Variants in SPATA6L observed in about 807,000 individuals in gnomAD.
SPATA6L encodes the protein spermatogenesis associated 6 like, also known as spermatogenesis associated 6-like protein.
SPATA6L carries 68 observed loss-of-function variants against 49.2 expected under a neutral mutation model. The ratio of observed to expected loss-of-function variants is 1.38; its 90% CI spans 1.14 to 1.69. SPATA6L has a LOEUF of 1.69. Among genes scored for constraint, SPATA6L ranks in the 40% most tolerant of loss-of-function variants. The pLI is 0.00. For synonymous variants in SPATA6L, 198 were observed against 165.7 expected, an observed-to-expected ratio of 1.19 and a Z score of -1.50; for missense variants, 668 against 464.3, an observed-to-expected ratio of 1.44 and a Z score of -4.03.
At chr9:4,632,757 A>G (rs140555314) in intron 4 of SPATA6L, among the ~76,000 whole-genome samples, 11 of 152,276 alleles carry the variant, frequency 7.2e-5, no homozygotes, top group African/African-American at 2.6e-4. Context: ...TGGCCCTCAG[A>G]TCCTTAGTAT....
At chr9:4,605,834 C>T (rs369487953) in intron 9 of SPATA6L, among the ~76,000 whole-genome samples, 9 of 152,332 alleles carry the variant, frequency 5.9e-5, no homozygotes, top group South Asian at 4.1e-4. Context: ...GGAACAGCTC[C>T]GGTCTCCAGC....
Position 4,625,529 on chromosome 9 carries a change from G to A in SPATA6L, c.467C>T (p.Ser156Leu). Residue 156 changes from serine to leucine, a missense_variant, in exon 6 of 12, where the codon TCA becomes TTA. Ser to Leu is a moderately radical substitution (Grantham distance 145). Transcript: ENST00000682582. ...ATTTAAGGGAAATATTGGTTCATGT[G>A]ATGTAGATAAAGGCCTCCGTGACTC... ...RHESRRPLST[S>L]HEPIFPLNTI... is the part of the protein sequence containing the mutation. 1 of 1,610,750 alleles carries A rather than the reference G, an allele frequency of 6.2e-7. No homozygotes were observed. Among genetic ancestry groups the A allele is most frequent in the Non-Finnish European group, 8.5e-7 (1 of 1,178,436 alleles).
chr9:4,620,593 G>A (rs1224947374), intron 7 of SPATA6L, among the ~76,000 whole-genome samples: 1 of 152,208 alleles, frequency 6.6e-6, no homozygotes, highest in Non-Finnish European at 1.5e-5. Context: ...GGTGACCTAA[G>A]CAAAGGGCTG....
At chr9:4,663,258 C>T (rs1431133891) in intron 1 of SPATA6L, 7 of 1,611,430 alleles carry the variant, frequency 4.3e-6, no homozygotes, top group African/African-American at 2.7e-5. Flanking sequence ...GTGGAGTCAA[C>T]GATGACACCA....
intron 7 of SPATA6L, 92 bp downstream of exon 7, chr9:4,622,316 C>T: frequency 1.3e-6 from 1 of 792,062 alleles, no homozygotes. Context: ...CAGTTCTGAA[C>T]ATCACCTGTG....
chr9:4,635,825 C>T (rs4742029), intron 3 of SPATA6L, among the ~76,000 whole-genome samples: 9,697 of 152,148 alleles, frequency 0.064, 493 homozygotes, highest in Admixed American at 0.14. Context: ...ATGCCAAGGG[C>T]CCAGATGACA....
intron 3 of SPATA6L, among the ~76,000 whole-genome samples, chr9:4,654,333 G>A (rs925999393): frequency 1.3e-5 from 2 of 152,192 alleles, no homozygotes; most frequent in African/African-American, 2.4e-5. Context: ...GGTGTGGCTC[G>A]CTTCTTCAGT....
At chr9:4,643,475 CAA>C (rs1286353592) in intron 3 of SPATA6L, among the ~76,000 whole-genome samples, 1 of 151,552 alleles carries the variant, frequency 6.6e-6, no homozygotes, top group Non-Finnish European at 1.5e-5. Context: ...GTAAATATAC[CAA>C]GAGAGAAATA....
intron 9 of SPATA6L, among the ~76,000 whole-genome samples, chr9:4,609,928 G>C (rs1426235096): frequency 6.6e-6 from 1 of 151,972 alleles, no homozygotes; most frequent in Non-Finnish European, 1.5e-5. Flanking sequence ...TCCTTAAGCT[G>C]ATAAGCAACT....
intron 5 of SPATA6L, chr9:4,627,394 A>C (rs1830554115): frequency 6.0e-6 from 1 of 166,920 alleles, no homozygotes; most frequent in South Asian, 1.5e-4. Context: ...TATTTAGCTA[A>C]GAGTTTTGAT....
At chr9:4,607,685 A>G (rs200711374) in intron 9 of SPATA6L, among the ~76,000 whole-genome samples, 18,602 of 152,126 alleles carry the variant, frequency 0.12, 1,763 homozygotes, top group East Asian at 0.31. Flanking sequence ...AGCCGCTGCA[A>G]AATCATGCCA....
intron 3 of SPATA6L, among the ~76,000 whole-genome samples, chr9:4,636,055 T>TA (rs1226414315): frequency 2.6e-5 from 4 of 152,144 alleles, no homozygotes; most frequent in African/African-American, 9.7e-5. Flanking sequence ...GCCTAGAACT[T>TA]AACTAACTAT....
In SPATA6L at chr9:4,666,399, C is replaced by A. The variant is rs547780453; in HGVS notation, c.-149G>T. The A allele has an allele frequency of 6.0e-5, 47 of 779,178 alleles. No homozygotes were observed. The highest frequency in any genetic ancestry group is 2.1e-4 in the East Asian group (8 of 37,354). 48.3% of individuals were successfully genotyped at this position (779,178 alleles called of 1,614,324 possible). On this transcript the variant is annotated 5_prime_UTR_variant, in exon 1 of 12. Transcript: ENST00000682582. Reference sequence around the variant, plus strand: ...GCCCTTGTTCCCCTACCGTCCCCCCCAGCCCAGGTCCCTCCCACCGGGACG... The same window carrying A: ...GCCCTTGTTCCCCTACCGTCCCCCCAAGCCCAGGTCCCTCCCACCGGGACG...
In SPATA6L at chr9:4,653,789, T is replaced by A. The variant is rs554786475; in HGVS notation, c.226+2252A>T. On this transcript the variant is annotated intron_variant, in intron 3 of 11. Coordinates refer to ENST00000682582, the MANE Select transcript of SPATA6L (RefSeq NM_001353486.2). Reference sequence around the variant, plus strand: ...ACAAAACAAAAACAAAAACAAAAAATAGCTAGGCATGGTGCTGTGCGCCTA... The same window carrying A: ...ACAAAACAAAAACAAAAACAAAAAAAAGCTAGGCATGGTGCTGTGCGCCTA... 1.5e-4 allele frequency among the ~76,000 whole-genome samples: 23 copies of A among 152,020 alleles called. No homozygotes were observed. The South Asian group carries it at 4.0e-3, about 26-fold the overall frequency.
rs1355688515 is a variant in SPATA6L at position 4,606,505 on chromosome 9, G to C, written c.996-1065C>G. 4.9e-5 allele frequency among the ~76,000 whole-genome samples: 2 copies of C among 41,180 alleles called. 1 individual carries two copies. The highest frequency in any genetic ancestry group is 1.2e-4 in the Non-Finnish European group (2 of 17,126). 27.0% of individuals were successfully genotyped at this position (41,180 alleles called of 152,430 possible). A position where few individuals can be genotyped will look rare whatever the true frequency, so the allele number is the denominator to read the frequency against. On this transcript the variant is annotated intron_variant, in intron 9 of 11. Coordinates refer to ENST00000682582, the MANE Select transcript of SPATA6L (RefSeq NM_001353486.2). ...GTGCCTGACCCCTGACCCCCGAGCAGCCTAACTGGGAGGCACCCCCCAGCA... is the reference window on the plus strand; with the variant it reads ...GTGCCTGACCCCTGACCCCCGAGCACCCTAACTGGGAGGCACCCCCCAGCA...
intron 4 of SPATA6L, chr9:4,633,785 C>A (rs1018052547): frequency 3.3e-5 from 5 of 152,116 alleles, no homozygotes; most frequent in Non-Finnish European, 5.9e-5. Context: ...TTTTGAGTAA[C>A]AAATAAGATC....
chr9:4,643,795 A>G (rs1251765868), intron 3 of SPATA6L, among the ~76,000 whole-genome samples: 1 of 152,230 alleles, frequency 6.6e-6, no homozygotes, highest in Non-Finnish European at 1.5e-5. Flanking sequence ...ACCTGAGGTC[A>G]GGAGTTCGAC....
intron 1 of SPATA6L, chr9:4,663,327 A>T (rs995142667): frequency 7.3e-6 from 11 of 1,514,046 alleles, no homozygotes; most frequent in Non-Finnish European, 9.9e-6. Context: ...ATGTCAACCT[A>T]AACCAGCAGC....
At chr9:4,648,603 G>C (rs1006112655) in intron 3 of SPATA6L, among the ~76,000 whole-genome samples, 3 of 151,836 alleles carry the variant, frequency 2.0e-5, no homozygotes, top group Non-Finnish European at 4.4e-5. Context: ...GGGAGGCTGA[G>C]GCAGGAGAAT....
Sources: allele counts gnomAD v4.1 joint callset (sites outside exome capture counted in the v4.1 genomes callset), GRCh38; gene constraint gnomAD v4.1.1; transcripts MANE v1.5; gene names NCBI Gene and HGNC (gene_info 2026-07-23, HGNC 2026-07-21).